WDR45B: variants seen among roughly 807,000 people sequenced by gnomAD.
WDR45B encodes WD repeat domain 45B, also known as WD repeat domain phosphoinositide-interacting protein 3.
Under a neutral mutation model 44.6 loss-of-function variants are expected in WDR45B, and 20 were observed. That is an observed-to-expected ratio of 0.45 (90% CI 0.32 to 0.65). The LOEUF (loss-of-function observed/expected upper bound fraction) is 0.65, where lower values mean the gene tolerates loss of function less well. Among genes scored for constraint, WDR45B ranks in the 30% least tolerant of loss-of-function variants. WDR45B has a pLI of 0.05. For missense variants in WDR45B, 323 were observed against 430.2 expected (o/e 0.75, Z 2.20); for synonymous variants, 169 against 164.9 (o/e 1.02, Z -0.19).
At chr17:82,640,775 C>T (rs1291864782) in intron 2 of WDR45B, among the ~76,000 whole-genome samples, 3 of 152,150 alleles carry the variant, frequency 2.0e-5, no homozygotes, top group South Asian at 2.1e-4. Context: ...CCTATCTACT[C>T]ACATAAGCTG....
chr17:82,622,707 C>T (rs1210094003), intron 5 of WDR45B, among the ~76,000 whole-genome samples: 3 of 152,098 alleles, frequency 2.0e-5, no homozygotes, highest in African/African-American at 7.2e-5. Context: ...GCTGCGATTA[C>T]AGGCATGACC....
intron 2 of WDR45B, 109 bp from the exon 3 acceptor site, chr17:82,631,131 T>G: frequency 1.8e-6 from 2 of 1,088,142 alleles, no homozygotes; most frequent in Admixed American, 2.0e-5. Context: ...TTCTATTTTT[T>G]GTAAGAGACA....
intron 7 of WDR45B, among the ~76,000 whole-genome samples, chr17:82,617,988 G>C (rs1029827816): frequency 1.3e-4 from 19 of 151,426 alleles, no homozygotes; most frequent in African/African-American, 4.6e-4. Flanking sequence ...GAGCGCAGTA[G>C]CACGACCTTG....
In WDR45B at chr17:82,634,790, C is replaced by T. The variant is rs572569392; in HGVS notation, c.143-3768G>A. 1.4e-4 allele frequency among the ~76,000 whole-genome samples: 21 copies of T among 152,144 alleles called. No homozygotes were observed. The South Asian group carries it at 4.4e-3, about 32-fold the overall frequency. On this transcript the variant is annotated intron_variant, in intron 2 of 9. Transcript: ENST00000392325. ...CTATGTTGCCCAGACTGGTCTCAAACTCCTGGCCTCAAGCAATCCTCCTGC... is the reference window on the plus strand; with the variant it reads ...CTATGTTGCCCAGACTGGTCTCAAATTCCTGGCCTCAAGCAATCCTCCTGC...
At chr17:82,625,177 G>C (rs1053720121) in intron 5 of WDR45B, among the ~76,000 whole-genome samples, 3 of 152,120 alleles carry the variant, frequency 2.0e-5, no homozygotes, top group Non-Finnish European at 4.4e-5. Flanking sequence ...GAGGGGACAG[G>C]GGCCCCCACT....
intron 5 of WDR45B, among the ~76,000 whole-genome samples, chr17:82,623,128 A>G (rs570000945): frequency 1.3e-5 from 2 of 152,220 alleles, no homozygotes; most frequent in Admixed American, 1.3e-4. Flanking sequence ...ACAGTGGCTC[A>G]CGCCTGTAAT....
intron 2 of WDR45B, among the ~76,000 whole-genome samples, chr17:82,635,854 C>T (rs1324486140): frequency 6.6e-5 from 10 of 151,808 alleles, no homozygotes; most frequent in African/African-American, 1.9e-4. Flanking sequence ...GAGGCCAGGC[C>T]GAGGCAGGTG....
chr17:82,617,694 C>T (rs1190103786), intron 7 of WDR45B, among the ~76,000 whole-genome samples: 2 of 152,178 alleles, frequency 1.3e-5, no homozygotes, highest in African/African-American at 4.8e-5. Flanking sequence ...GCAGACCACA[C>T]CCCCAACATG....
intron 4 of WDR45B, among the ~76,000 whole-genome samples, chr17:82,626,622 C>T (rs1263985127): frequency 2.0e-5 from 3 of 150,938 alleles, no homozygotes; most frequent in African/African-American, 4.9e-5. Context: ...CTCCCACAGC[C>T]GACAGAGATG....
At chr17:82,627,767 T>C (rs2045718317) in intron 3 of WDR45B, among the ~76,000 whole-genome samples, 1 of 152,272 alleles carries the variant, frequency 6.6e-6, no homozygotes, top group Admixed American at 6.5e-5. Context: ...TTCATCTCTC[T>C]CTGCCAACCC....
At chr17:82,643,381 C>T (rs1017314495) in intron 2 of WDR45B, among the ~76,000 whole-genome samples, 4 of 151,410 alleles carry the variant, frequency 2.6e-5, no homozygotes, top group South Asian at 4.2e-4. Flanking sequence ...TGCAATGAGC[C>T]GAGGTCATGC....
intron 3 of WDR45B, 100 bp from the exon 4 acceptor site, chr17:82,627,391 C>T: frequency 1.0e-6 from 1 of 971,860 alleles, no homozygotes; most frequent in Non-Finnish European, 1.6e-6. Context: ...TCTCTTCCCA[C>T]TGGCACAGCT....
intron 1 of WDR45B, among the ~76,000 whole-genome samples, chr17:82,647,540 A>G (rs1394115078): frequency 6.6e-6 from 1 of 152,140 alleles, no homozygotes; most frequent in Non-Finnish European, 1.5e-5. Flanking sequence ...GGCGCTTTAA[A>G]TCATCCAGTG....
chr17:82,627,492 G>A (rs114038325), intron 3 of WDR45B, among the ~76,000 whole-genome samples: 30 of 152,318 alleles, frequency 2.0e-4, no homozygotes, highest in African/African-American at 5.5e-4. Flanking sequence ...ATCCGCCCTC[G>A]GGCACCTTCC....
At chr17:82,619,813 C>T (rs2045589312) in intron 6 of WDR45B, among the ~76,000 whole-genome samples, 1 of 152,204 alleles carries the variant, frequency 6.6e-6, no homozygotes, top group Non-Finnish European at 1.5e-5. Context: ...AGTAAGGAGC[C>T]AGCTTGTGGG....
chr17:82,628,259 C>T (rs1048213359), intron 3 of WDR45B, among the ~76,000 whole-genome samples: 1 of 152,202 alleles, frequency 6.6e-6, no homozygotes, highest in African/African-American at 2.4e-5. Context: ...TCCCAAAGTG[C>T]TAGGACTGCA....
intron 2 of WDR45B, among the ~76,000 whole-genome samples, chr17:82,638,151 A>T (rs910201302): frequency 1.4e-5 from 2 of 138,038 alleles, no homozygotes; most frequent in African/African-American, 5.7e-5. Flanking sequence ...GAGCCACTGC[A>T]CTCCAGCCTG....
chr17:82,645,685 G>A lies in WDR45B; in HGVS notation c.68-1662C>T, dbSNP rs538463353. Among the ~76,000 whole-genome samples, 104 of 152,290 alleles carry A rather than the reference G, an allele frequency of 6.8e-4. 1 individual carries two copies. Among genetic ancestry groups the A allele is most frequent in the African/African-American group, 2.5e-3 (103 of 41,558 alleles). ...GTGGAAATGTGAACATATGGTCACT[G>A]AGAGACATCTTCTAGATTAATCATT... On this transcript the variant is annotated intron_variant, in intron 1 of 9. Coordinates refer to ENST00000392325, the MANE Select transcript of WDR45B (RefSeq NM_019613.4).
intron 2 of WDR45B, among the ~76,000 whole-genome samples, chr17:82,642,657 T>C (rs1295557908): frequency 1.3e-5 from 2 of 152,194 alleles, no homozygotes; most frequent in Non-Finnish European, 2.9e-5. Context: ...GGGATCTGAC[T>C]CTATCTCTAG....
Sources: gnomAD v4.1 joint callset for allele counts (sites outside exome capture counted in the v4.1 genomes callset) on GRCh38, gnomAD v4.1.1 for gene constraint, MANE v1.5 for transcripts, NCBI Gene and HGNC (gene_info 2026-07-23, HGNC 2026-07-21) for gene names.